Variants in ATP11B observed in about 807,000 individuals in gnomAD.
ATP11B encodes the protein ATPase phospholipid transporting 11B (putative).
ATP11B carries 81 observed loss-of-function variants against 157.8 expected under a neutral mutation model. The observed-to-expected ratio is 0.51, with a 90% CI of 0.43 to 0.62. The LOEUF is 0.62. ATP11B is among the 20% of genes least tolerant of loss of function. The probability of loss-of-function intolerance (pLI) is 0.00; values close to 1 mark genes in which losing one functional copy is unlikely to be tolerated. For missense variants in ATP11B, 1,165 were observed against 1,402.2 expected (o/e 0.83, Z 2.70); for synonymous variants, 451 against 469.4 (o/e 0.96, Z 0.51).
intron 1 of ATP11B, among the ~76,000 whole-genome samples, chr3:182,799,976 G>A (rs936596241): frequency 6.6e-6 from 1 of 152,026 alleles, no homozygotes; most frequent in African/African-American, 2.4e-5. Flanking sequence ...TGGGCATGGC[G>A]GTGCCTGCCT....
intron 1 of ATP11B, among the ~76,000 whole-genome samples, chr3:182,814,527 G>A (rs999545657): frequency 6.6e-6 from 1 of 152,136 alleles, no homozygotes; most frequent in Non-Finnish European, 1.5e-5. Context: ...TACAATCTGA[G>A]CAGAGCACAG....
At chr3:182,850,851 C>T (rs1222686621) in intron 10 of ATP11B, among the ~76,000 whole-genome samples, 2 of 151,582 alleles carry the variant, frequency 1.3e-5, no homozygotes, top group Non-Finnish European at 1.5e-5. Context: ...CATCAGCAGA[C>T]GGATGGATAA....
intron 1 of ATP11B, among the ~76,000 whole-genome samples, chr3:182,805,434 T>A (rs1449927749): frequency 6.6e-6 from 1 of 151,996 alleles, no homozygotes; most frequent in South Asian, 2.1e-4. Flanking sequence ...TTTGGAGAAA[T>A]GCCTATTCAG....
chr3:182,902,430 A>G, intron 28 of ATP11B: 1 of 1,135,880 alleles, frequency 8.8e-7, no homozygotes, highest in Non-Finnish European at 1.2e-6. Context: ...TAGGTGATGA[A>G]TACAGCTCAC....
chr3:182,810,332 AAAAT>A (rs1716579852), intron 1 of ATP11B, among the ~76,000 whole-genome samples: 1 of 152,238 alleles, frequency 6.6e-6, no homozygotes. Flanking sequence ...ACTCCACCTC[AAAAT>A]AAATAAATAA....
At chr3:182,801,750 G>A (rs1040424831) in intron 1 of ATP11B, among the ~76,000 whole-genome samples, 36 of 152,028 alleles carry the variant, frequency 2.4e-4, no homozygotes, top group African/African-American at 8.2e-4. Flanking sequence ...ATTTTTACAA[G>A]TGTAGAAATT....
At chr3:182,896,614 A>AT in intron 25 of ATP11B, 86 bp from the exon 26 acceptor site, 1 of 1,147,834 alleles carries the variant, frequency 8.7e-7, no homozygotes, top group South Asian at 1.3e-5. Context: ...AATTCAAGGG[A>AT]TTTTTAGTAG....
intron 10 of ATP11B, among the ~76,000 whole-genome samples, chr3:182,855,594 T>C (rs1476628380): frequency 2.0e-5 from 3 of 152,124 alleles, no homozygotes; most frequent in Non-Finnish European, 2.9e-5. Flanking sequence ...AAAGACAAGC[T>C]ACAGACTGGG....
chr3:182,914,966 A>G (rs1217732698), intron 29 of ATP11B: 1 of 984,956 alleles, frequency 1.0e-6, no homozygotes, highest in South Asian at 4.7e-5. Context: ...AATGTGCTAC[A>G]TGAATATTAG....
intron 1 of ATP11B, 57 bp downstream of exon 1, chr3:182,793,843 C>G: frequency 7.8e-6 from 9 of 1,152,594 alleles, no homozygotes; most frequent in Non-Finnish European, 9.9e-6. Flanking sequence ...CCTCTCGGCC[C>G]GGGGTGGCGG....
At chr3:182,797,926 A>C (rs909717994) in intron 1 of ATP11B, among the ~76,000 whole-genome samples, 1 of 152,118 alleles carries the variant, frequency 6.6e-6, no homozygotes, top group South Asian at 2.1e-4. Flanking sequence ...TATAACATTA[A>C]AAGTGAATTC....
At chr3:182,798,231 A>G (rs1383380538) in intron 1 of ATP11B, among the ~76,000 whole-genome samples, 1 of 152,238 alleles carries the variant, frequency 6.6e-6, no homozygotes, top group Non-Finnish European at 1.5e-5. Flanking sequence ...GATAAGAACC[A>G]TATCTTACTT....
At chr3:182,819,275 G>T (rs1717174232) in intron 1 of ATP11B, among the ~76,000 whole-genome samples, 1 of 151,958 alleles carries the variant, frequency 6.6e-6, no homozygotes, top group African/African-American at 2.4e-5. Flanking sequence ...GTTTCACCAT[G>T]TTGGCCAGGA....
At position 182,866,263 on chromosome 3, in the gene ATP11B, T is replaced by C; in HGVS notation, c.1444-5T>C. 1 of 1,530,758 alleles carries C rather than the reference T, an allele frequency of 6.5e-7. No homozygotes were observed. Among genetic ancestry groups the C allele is most frequent in the Non-Finnish European group, 8.8e-7 (1 of 1,132,456 alleles). 94.8% of individuals were successfully genotyped at this position (1,530,758 alleles called of 1,614,324 possible). A position where few individuals can be genotyped will look rare whatever the true frequency, so the allele number is the denominator to read the frequency against. On this transcript the variant is annotated splice_region_variant and splice_polypyrimidine_tract_variant and intron_variant, in intron 13 of 29. Coordinates refer to ENST00000323116, the MANE Select transcript of ATP11B (RefSeq NM_014616.3). ...TTATCATGAATATTAATTACATTTT[T>C]ACAGATTAAAGAACATGATCTCTTC...
intron 10 of ATP11B, among the ~76,000 whole-genome samples, chr3:182,850,047 C>T (rs980743185): frequency 1.2e-4 from 19 of 152,224 alleles, no homozygotes; most frequent in African/African-American, 1.9e-4. Context: ...ACAATATAAG[C>T]GATAACCAGT....
At chr3:182,891,991 C>T (rs189561948) in intron 25 of ATP11B, among the ~76,000 whole-genome samples, 2 of 152,318 alleles carry the variant, frequency 1.3e-5, no homozygotes, top group Admixed American at 1.3e-4. Flanking sequence ...GTATTCACTA[C>T]GTCTTAGCAG....
chr3:182,869,172 T>C, intron 16 of ATP11B, 21 bp downstream of exon 16: 2 of 1,602,388 alleles, frequency 1.2e-6, no homozygotes, highest in South Asian at 2.2e-5. Flanking sequence ...TAAACTTTCA[T>C]GAATTTTTAT....
chr3:182,805,454 C>CTT (rs1030710942), intron 1 of ATP11B, among the ~76,000 whole-genome samples: 3 of 142,978 alleles, frequency 2.1e-5, no homozygotes, highest in Admixed American at 7.0e-5. Context: ...GATATTTTTG[C>CTT]TTTTTTTTTT....
chr3:182,798,171 T>G (rs1464605346), intron 1 of ATP11B, among the ~76,000 whole-genome samples: 1 of 152,172 alleles, frequency 6.6e-6, no homozygotes, highest in Admixed American at 6.5e-5. Flanking sequence ...CAGAACACAT[T>G]GTGGAAGTCT....
Sources: allele counts gnomAD v4.1 joint callset (sites outside exome capture counted in the v4.1 genomes callset), GRCh38; gene constraint gnomAD v4.1.1; transcripts MANE v1.5; gene names NCBI Gene and HGNC (gene_info 2026-07-23, HGNC 2026-07-21).